TIAM1: variants seen among roughly 807,000 people sequenced by gnomAD.
TIAM1 encodes rho guanine nucleotide exchange factor TIAM1.
Under a neutral mutation model 163.5 loss-of-function variants are expected in TIAM1, and 65 were observed. The observed-to-expected ratio is 0.40, with a 90% CI of 0.33 to 0.49. The LOEUF is 0.49. TIAM1 is among the 20% of genes least tolerant of loss of function. The pLI is 0.77. For synonymous variants in TIAM1, 833 were observed against 810.1 expected, an observed-to-expected ratio of 1.03 and a Z score of -0.48; for missense variants, 1,789 against 2,044.7, an observed-to-expected ratio of 0.87 and a Z score of 2.41.
intron 2 of TIAM1, among the ~76,000 whole-genome samples, chr21:31,312,927 CA>C (rs1168778951): frequency 2.6e-5 from 4 of 152,174 alleles, no homozygotes; most frequent in African/African-American, 4.8e-5. Context: ...AAATGTGTGC[CA>C]GGGGGCATCC....
In TIAM1 at chr21:31,210,126, G is replaced by C. The variant is rs1338461751; in HGVS notation, c.2307C>G (p.Phe769Leu). ...WVHEYFTPSWFCLPNNQPALT... is the reference protein window; with the variant it reads ...WVHEYFTPSWLCLPNNQPALT... ...GGGCAGGCTGATTATTGGGCAGACA[G>C]AACCAGGATGGAGTGAAATACTCGT... Residue 769 changes from phenylalanine to leucine, a missense_variant, in exon 11 of 28, where the codon TTC (phenylalanine) becomes TTG (leucine). Physicochemically the swap from Phe to Leu is conservative, Grantham distance 22 (BLOSUM62 0). Coordinates refer to ENST00000541036, the MANE Select transcript of TIAM1 (RefSeq NM_001353694.2). 5 of 1,614,206 alleles carry C rather than the reference G, an allele frequency of 3.1e-6. No individual in the cohort carries two copies. Among genetic ancestry groups the C allele is most frequent in the Non-Finnish European group, 4.2e-6 (5 of 1,180,046 alleles).
chr21:31,425,853 CACCCACCTA>C (rs1321810649), intron 2 of TIAM1, among the ~76,000 whole-genome samples: 2 of 151,940 alleles, frequency 1.3e-5, no homozygotes, highest in Non-Finnish European at 2.9e-5. Flanking sequence ...CATGCCACCA[CACCCACCTA>C]ATTTTTTGTA....
At chr21:31,352,536 A>T (rs2076251628) in intron 2 of TIAM1, among the ~76,000 whole-genome samples, 1 of 140,744 alleles carries the variant, frequency 7.1e-6, no homozygotes, top group African/African-American at 2.6e-5. Context: ...GCTCACATAT[A>T]TGTAGCTTTA....
chr21:31,423,700 TAAA>T (rs200137644), intron 2 of TIAM1, among the ~76,000 whole-genome samples: 145 of 48,238 alleles, frequency 3.0e-3, no homozygotes, highest in African/African-American at 0.011. Context: ...TAGAAAGTTG[TAAA>T]AAAAAAAAAA....
chr21:31,301,017 T>A (rs2074475617), intron 2 of TIAM1, among the ~76,000 whole-genome samples: 1 of 152,194 alleles, frequency 6.6e-6, no homozygotes. Context: ...CAACCCCCAG[T>A]TATGTATGAA....
chr21:31,317,655 T>G (rs375998122), intron 2 of TIAM1, among the ~76,000 whole-genome samples: 20 of 152,134 alleles, frequency 1.3e-4, no homozygotes, highest in South Asian at 1.2e-3. Flanking sequence ...CAGCACGCAC[T>G]TATAGTCCCA....
At chr21:31,314,905 T>C (rs933411821) in intron 2 of TIAM1, among the ~76,000 whole-genome samples, 1 of 152,190 alleles carries the variant, frequency 6.6e-6, no homozygotes, top group Non-Finnish European at 1.5e-5. Flanking sequence ...GTAAAAATTA[T>C]GTGCAGGGAC....
chr21:31,142,661 A>G (rs1044046493), intron 20 of TIAM1, among the ~76,000 whole-genome samples: 9 of 151,770 alleles, frequency 5.9e-5, no homozygotes, highest in Admixed American at 1.3e-4. Context: ...GAAAAAAAGA[A>G]AAAGAAAAAG....
At chr21:31,185,606 ATATAT>A (rs1053717820) in intron 14 of TIAM1, among the ~76,000 whole-genome samples, 13 of 144,660 alleles carry the variant, frequency 9.0e-5, no homozygotes, top group Admixed American at 2.1e-4. Flanking sequence ...TCATATAGCT[ATATAT>A]TATATTAATA....
chr21:31,343,407 C>A (rs905095416), intron 1 of TIAM1, among the ~76,000 whole-genome samples: 3 of 152,188 alleles, frequency 2.0e-5, no homozygotes, highest in African/African-American at 7.2e-5. Context: ...CCAGCACCAC[C>A]TTCCACCCAA....
chr21:31,521,028 C>G (rs2147494661), intron 1 of TIAM1, among the ~76,000 whole-genome samples: 1 of 152,364 alleles, frequency 6.6e-6, no homozygotes, highest in East Asian at 1.9e-4. Flanking sequence ...AGAGCAGGTG[C>G]TTAATAAATG....
intron 2 of TIAM1, among the ~76,000 whole-genome samples, chr21:31,374,631 T>A (rs2076653989): frequency 6.6e-6 from 1 of 152,194 alleles, no homozygotes; most frequent in Non-Finnish European, 1.5e-5. Context: ...ACACTTGCTC[T>A]GGGTTCCCAC....
At chr21:31,471,983 C>T (rs1172441775) in intron 1 of TIAM1, among the ~76,000 whole-genome samples, 3 of 151,612 alleles carry the variant, frequency 2.0e-5, no homozygotes, top group African/African-American at 7.3e-5. Context: ...CAATGATCTC[C>T]ATCTCCCATG....
At chr21:31,319,826 A>AT (rs1267588844) in intron 2 of TIAM1, among the ~76,000 whole-genome samples, 1 of 151,638 alleles carries the variant, frequency 6.6e-6, no homozygotes, top group Non-Finnish European at 1.5e-5. Context: ...TCTAGTGAGC[A>AT]TAAGGTGGTA....
intron 2 of TIAM1, among the ~76,000 whole-genome samples, chr21:31,305,769 A>G (rs756632463): frequency 2.0e-5 from 3 of 152,180 alleles, no homozygotes; most frequent in African/African-American, 7.2e-5. Context: ...CATTTTTTCA[A>G]TTTAGGCACA....
intron 3 of TIAM1, among the ~76,000 whole-genome samples, chr21:31,273,988 A>G (rs1242552205): frequency 3.9e-5 from 6 of 152,172 alleles, no homozygotes; most frequent in Non-Finnish European, 8.8e-5. Context: ...GGGCCGAGGT[A>G]GTTGGATCAC....
intron 2 of TIAM1, among the ~76,000 whole-genome samples, chr21:31,427,806 C>G (rs1270591938): frequency 1.3e-5 from 2 of 151,962 alleles, no homozygotes; most frequent in Non-Finnish European, 2.9e-5. Flanking sequence ...TGCACTCCAG[C>G]CTGGACAACA....
At chr21:31,254,669 C>A (rs1453068763) in intron 4 of TIAM1, among the ~76,000 whole-genome samples, 1 of 152,172 alleles carries the variant, frequency 6.6e-6, no homozygotes, top group East Asian at 1.9e-4. Context: ...CACTGCACTC[C>A]AGCCTGGGCA....
intron 2 of TIAM1, among the ~76,000 whole-genome samples, chr21:31,359,367 G>A (rs1053846112): frequency 1.3e-5 from 2 of 152,156 alleles, no homozygotes; most frequent in Non-Finnish European, 2.9e-5. Context: ...CTAGCACACA[G>A]TAGGACCTAA....
Sources: allele counts gnomAD v4.1 joint callset (sites outside exome capture counted in the v4.1 genomes callset), GRCh38; gene constraint gnomAD v4.1.1; transcripts MANE v1.5; gene names NCBI Gene and HGNC (gene_info 2026-07-23, HGNC 2026-07-21).